Variants in NPY1R observed in about 807,000 individuals in gnomAD.
NPY1R encodes the protein neuropeptide Y receptor type 1.
NPY1R carries 10 observed loss-of-function variants against 24.1 expected under a neutral mutation model. That is an observed-to-expected ratio of 0.42 (90% CI 0.26 to 0.71). NPY1R has a LOEUF of 0.71. Among genes scored for constraint, NPY1R ranks in the 30% least tolerant of loss-of-function variants. The pLI is 0.28. For synonymous variants in NPY1R, 168 were observed against 165.9 expected (o/e 1.01, Z -0.10); for missense variants, 350 against 458.0 (o/e 0.76, Z 2.15).
At chr4:163,332,458 G>A (rs1734755585) in intron 1 of NPY1R, 24 bp downstream of exon 1, 1 of 152,224 alleles carries the variant, frequency 6.6e-6, no homozygotes, top group Non-Finnish European at 1.5e-5. Context: ...GAAGTCTCTG[G>A]AAAGGCATAA....
chr4:163,325,179 A>G lies in NPY1R; in HGVS notation c.*124T>C. 1 of 710,448 alleles carries G rather than the reference A, an allele frequency of 1.4e-6. No homozygotes were observed. Among genetic ancestry groups the G allele is most frequent in the African/African-American group, 1.8e-5 (1 of 56,106 alleles). The allele number at this position is 710,448 out of a possible 1,614,324, so 44.0% of individuals were successfully genotyped here. ...CAAAAGCAGTAAAAAGCAAGACAAGAAAATCTTAGTCATTTTCAAATGATT... is the reference window on the plus strand; with the variant it reads ...CAAAAGCAGTAAAAAGCAAGACAAGGAAATCTTAGTCATTTTCAAATGATT... On this transcript the variant is annotated 3_prime_UTR_variant, in exon 3 of 3. Coordinates refer to ENST00000296533, the MANE Select transcript of NPY1R (RefSeq NM_000909.6).
At position 163,327,241 on chromosome 4, in the gene NPY1R, A is replaced by G. The variant is rs141709956; in HGVS notation, c.-151-536T>C. 2.2e-3 allele frequency among the ~76,000 whole-genome samples: 341 copies of G among 152,348 alleles called. 2 individuals are homozygous for G. The highest frequency in any genetic ancestry group is 8.1e-3 in the African/African-American group (335 of 41,598). On this transcript the variant is annotated intron_variant, in intron 1 of 2. Coordinates refer to ENST00000296533, the MANE Select transcript of NPY1R (RefSeq NM_000909.6). ...ATATTCAACAAAAGATGATCACTAC[A>G]GTGAAACATCAAAAAACTTTGCCAT...
upstream of NPY1R, among the ~76,000 whole-genome samples, chr4:163,336,381 G>C (rs1553971225): frequency 6.6e-6 from 1 of 152,100 alleles, no homozygotes; most frequent in Non-Finnish European, 1.5e-5. Context: ...CTTTGCCACT[G>C]TTACTATTAC....
chr4:163,338,260 C>T (rs996719086), intron 1 of NPY1R, among the ~76,000 whole-genome samples: 2 of 152,176 alleles, frequency 1.3e-5, no homozygotes, highest in African/African-American at 4.8e-5. Flanking sequence ...AGCCTGCCAG[C>T]ACCACCTCAA....
chr4:163,340,362 G>A (rs1407815956), intron 1 of NPY1R, among the ~76,000 whole-genome samples: 1 of 151,588 alleles, frequency 6.6e-6, no homozygotes, highest in Non-Finnish European at 1.5e-5. Context: ...TGTAATTAAA[G>A]AATGAAGTAC....
intron 1 of NPY1R, among the ~76,000 whole-genome samples, chr4:163,338,139 T>C (rs979145380): frequency 6.9e-6 from 1 of 144,968 alleles, no homozygotes; most frequent in Admixed American, 7.1e-5. Flanking sequence ...GGCTTTTTTT[T>C]CCCCCTAGGA....
chr4:163,342,084 GA>G (rs1734999346), intron 1 of NPY1R, among the ~76,000 whole-genome samples: 1 of 152,198 alleles, frequency 6.6e-6, no homozygotes, highest in Non-Finnish European at 1.5e-5. Context: ...GGTGCAGTGG[GA>G]AGGGAAAATA....
chr4:163,333,208 G>A (rs931353738), upstream of NPY1R, among the ~76,000 whole-genome samples: 6 of 151,520 alleles, frequency 4.0e-5, no homozygotes, highest in Non-Finnish European at 8.8e-5. Flanking sequence ...CCAGCGCTTA[G>A]CTGCTTTTTA....
In NPY1R at chr4:163,326,480, A is replaced by G. The variant is rs1245531046; in HGVS notation, c.75T>C (p.Leu25=). ...HSNFSEKNAQ[L]LAFENDDCHL... ...GACAATCATCATTTTCAAAAGCCAG[A>G]AGCTGGGCATTCTTCTCTGAGAAAT... The change falls in exon 2 of 3, where the codon CTT becomes CTC. Residue 25 remains leucine, a synonymous_variant. Transcript: ENST00000296533. 1 of 1,613,590 alleles carries G rather than the reference A, an allele frequency of 6.2e-7. No homozygotes were observed. The highest frequency in any genetic ancestry group is 1.3e-5 in the African/African-American group (1 of 74,922).
upstream of NPY1R, among the ~76,000 whole-genome samples, chr4:163,334,900 A>C (rs897587234): frequency 9.2e-5 from 14 of 151,884 alleles, no homozygotes; most frequent in Non-Finnish European, 1.3e-4. Context: ...TCAACAGCAA[A>C]ATTATATAAT....
At chr4:163,335,005 A>G (rs1734805094), upstream of NPY1R, among the ~76,000 whole-genome samples, 3 of 152,312 alleles carry the variant, frequency 2.0e-5, no homozygotes, top group South Asian at 2.1e-4. Context: ...AAATTCTCCA[A>G]TAATGTAATC....
intron 1 of NPY1R, among the ~76,000 whole-genome samples, chr4:163,342,183 T>C (rs1422708000): frequency 6.6e-6 from 1 of 152,230 alleles, no homozygotes; most frequent in African/African-American, 2.4e-5. Flanking sequence ...TAAAGGTTCA[T>C]ATCATCAAAA....
At chr4:163,335,459 CT>C (rs1451434201), upstream of NPY1R, among the ~76,000 whole-genome samples, 1 of 152,110 alleles carries the variant, frequency 6.6e-6, no homozygotes, top group Non-Finnish European at 1.5e-5. Flanking sequence ...AGTATGCTTG[CT>C]ACTGGAATTG....
intron 1 of NPY1R, among the ~76,000 whole-genome samples, chr4:163,328,451 C>T (rs112836406): frequency 1.6e-4 from 24 of 152,316 alleles, no homozygotes; most frequent in Non-Finnish European, 2.8e-4. Context: ...TAAGTTGCTA[C>T]AGAGATATTT....
Position 163,326,568 on chromosome 4 carries a change from G to A in NPY1R, c.-14C>T, listed in dbSNP as rs56366823. The stretch of plus-strand genomic sequence containing the variant: ...TGTTGAATTCATTTTGATTGGTTTG[G>A]TTGTTATAGATTATTTTAGACAAAT... On this transcript the variant is annotated 5_prime_UTR_variant, in exon 2 of 3. Transcript: ENST00000296533. 7.7e-3 allele frequency: 11,656 copies of A among 1,519,152 alleles called. 651 individuals are homozygous for A. The African/African-American group carries it at 0.13, about 17-fold the overall frequency. 94.1% of individuals were successfully genotyped at this position (1,519,152 alleles called of 1,614,324 possible). A position where few individuals can be genotyped will look rare whatever the true frequency, so the allele number is the denominator to read the frequency against.
In NPY1R at chr4:163,326,409, G is replaced by A. The variant is rs1288444602; in HGVS notation, c.146C>T (p.Ala49Val). The change falls in exon 2 of 3, where the codon GCT becomes GTT. Residue 49 changes from alanine to valine, a missense_variant. Coordinates refer to ENST00000296533, the MANE Select transcript of NPY1R (RefSeq NM_000909.6). Reference protein sequence around the residue: ...MIFTLALAYGAVIILGVSGNL... With the variant: ...MIFTLALAYGVVIILGVSGNL... ...TCCAGAGACACCAAGAATGATCACAGCTCCATAAGCAAGAGCTAAGGTAAA... is the reference window on the plus strand; with the variant it reads ...TCCAGAGACACCAAGAATGATCACAACTCCATAAGCAAGAGCTAAGGTAAA... 1 of 1,613,918 alleles carries A rather than the reference G, an allele frequency of 6.2e-7. No individual in the cohort carries two copies. Among genetic ancestry groups the A allele is most frequent in the Non-Finnish European group, 8.5e-7 (1 of 1,179,904 alleles).
At chr4:163,342,411 A>G (rs1237014945) in intron 1 of NPY1R, among the ~76,000 whole-genome samples, 1 of 152,196 alleles carries the variant, frequency 6.6e-6, no homozygotes, top group African/African-American at 2.4e-5. Flanking sequence ...CCGCAGAGAC[A>G]GTGGAGTTAA....
At chr4:163,334,118 C>T (rs545046940), upstream of NPY1R, among the ~76,000 whole-genome samples, 1 of 152,196 alleles carries the variant, frequency 6.6e-6, no homozygotes, top group African/African-American at 2.4e-5. Flanking sequence ...GGTTTCTATG[C>T]ATCCTCTGTC....
chr4:163,344,628 T>C (rs1029015998), exon 1 of NPY1R: 19 of 152,226 alleles, frequency 1.2e-4, no homozygotes, highest in African/African-American at 4.6e-4. Context: ...GCGAGGTGTC[T>C]TCATATAACA....
Sources: allele counts gnomAD v4.1 joint callset (sites outside exome capture counted in the v4.1 genomes callset), GRCh38; gene constraint gnomAD v4.1.1; transcripts MANE v1.5; gene names NCBI Gene and HGNC (gene_info 2026-07-23, HGNC 2026-07-21).